The following ZC3H12B variants were observed in gnomAD, a reference collection of about 807,000 sequenced individuals.
ZC3H12B encodes the protein zinc finger CCCH-type containing 12B, also known as probable ribonuclease ZC3H12B.
In ZC3H12B, 7 loss-of-function variants were observed where a neutral mutation model predicts 43.9. The ratio of observed to expected loss-of-function variants is 0.16; its 90% CI spans 0.09 to 0.30. The LOEUF (loss-of-function observed/expected upper bound fraction) is 0.30. ZC3H12B is among the 10% of genes least tolerant of loss of function. The pLI is 1.00. For synonymous variants in ZC3H12B, 222 were observed against 241.7 expected, an observed-to-expected ratio of 0.92 and a Z score of 0.76; for missense variants, 475 against 670.2, an observed-to-expected ratio of 0.71 and a Z score of 3.22.
the ZC3H12B span, among the ~76,000 whole-genome samples, chrX:65,161,433 A>C: frequency 9.0e-6 from 1 of 111,474 alleles, no homozygotes; most frequent in Non-Finnish European, 1.9e-5. Context: ...TTGCTTTATG[A>C]ATCTGGGTGC....
chrX:65,268,453 C>G, the ZC3H12B span, among the ~76,000 whole-genome samples: 31 of 111,340 alleles, frequency 2.8e-4, no homozygotes, highest in Middle Eastern at 4.6e-3. Flanking sequence ...AAAAAGACAC[C>G]AAAAGAAAAC....
the ZC3H12B span, among the ~76,000 whole-genome samples, chrX:65,125,682 A>T: frequency 9.0e-6 from 1 of 110,575 alleles, no homozygotes; most frequent in Non-Finnish European, 1.9e-5. Context: ...ATATAATTAG[A>T]ATTTTTCTGT....
At chrX:65,382,141 C>A (rs2066450690) in intron 2 of ZC3H12B, among the ~76,000 whole-genome samples, 1 of 111,265 alleles carries the variant, frequency 9.0e-6, no homozygotes, top group East Asian at 2.8e-4. Flanking sequence ...CGGGCAGAGA[C>A]ACAACCAAAA....
At chrX:65,218,777 A>T in the ZC3H12B span, among the ~76,000 whole-genome samples, 1 of 111,254 alleles carries the variant, frequency 9.0e-6, no homozygotes, top group East Asian at 2.8e-4. Flanking sequence ...TGGGAGCTCT[A>T]TGGCCCCACC....
In ZC3H12B at chrX:65,381,024, T is replaced by G. The variant is rs1023090718; in HGVS notation, n.295+12026T>G. ...ATAATGGGAGACTTTAACACCCCAC[T>G]GTCAACATTGACAGATCAACAAGAC... On this transcript the variant is annotated intron_variant and non_coding_transcript_variant, in intron 2 of 5. Transcript: ENST00000617377. 1.2e-3 allele frequency among the ~76,000 whole-genome samples: 139 copies of G among 111,360 alleles called. 1 individual carries two copies. The highest frequency in any genetic ancestry group is 4.3e-3 in the African/African-American group (133 of 30,608).
intron 2 of ZC3H12B, among the ~76,000 whole-genome samples, chrX:65,381,017 AC>A (rs910758919): frequency 4.5e-5 from 5 of 111,193 alleles, no homozygotes; most frequent in African/African-American, 1.6e-4. Context: ...AGACTTTAAC[AC>A]CCCACTGTCA....
At chrX:65,334,119 G>T in the ZC3H12B span, among the ~76,000 whole-genome samples, 1 of 111,797 alleles carries the variant, frequency 8.9e-6, no homozygotes, top group East Asian at 2.8e-4. Context: ...AAATGTATCC[G>T]ATCTTAATCA....
the ZC3H12B span, among the ~76,000 whole-genome samples, chrX:65,073,507 T>C: frequency 8.9e-6 from 1 of 112,230 alleles, no homozygotes; most frequent in East Asian, 2.8e-4. Context: ...CAGATTGGAC[T>C]GGTTTTGTGT....
chrX:65,473,472 G>A (rs776967958), intron 3 of ZC3H12B, among the ~76,000 whole-genome samples: 8 of 112,088 alleles, frequency 7.1e-5, no homozygotes, highest in Non-Finnish European at 1.1e-4. Context: ...TAGAGATTAC[G>A]TTTACTCTAT....
intron 3 of ZC3H12B, among the ~76,000 whole-genome samples, chrX:65,430,304 G>T (rs1319352310): frequency 1.8e-5 from 2 of 109,863 alleles, no homozygotes; most frequent in Non-Finnish European, 3.8e-5. Context: ...CATGGGAGAA[G>T]CATGGTTTCC....
chrX:65,462,463 C>T (rs1335778717), intron 3 of ZC3H12B, among the ~76,000 whole-genome samples: 3 of 111,306 alleles, frequency 2.7e-5, no homozygotes, highest in African/African-American at 9.8e-5. Context: ...AGTGAGATCA[C>T]GCCACTGTGC....
chrX:65,397,133 G>A (rs5964965), intron 2 of ZC3H12B, among the ~76,000 whole-genome samples: 14,840 of 111,008 alleles, frequency 0.13, 2,400 homozygotes, highest in African/African-American at 0.45. Flanking sequence ...ACTGCACACC[G>A]ATGAGTCTTG....
At chrX:65,259,776 G>T in the ZC3H12B span, among the ~76,000 whole-genome samples, 1 of 111,707 alleles carries the variant, frequency 9.0e-6, no homozygotes, top group African/African-American at 3.3e-5. Context: ...GCACACACGT[G>T]TTTATAGCAG....
chrX:65,418,409 G>T lies in ZC3H12B; in HGVS notation n.407+19705G>T, dbSNP rs187660897. 2.1e-4 allele frequency among the ~76,000 whole-genome samples: 23 copies of T among 111,559 alleles called. No individual in the cohort carries two copies. The East Asian group carries it at 4.5e-3, about 22-fold the overall frequency. ...ATGCACTTTAAATGAGTATTCTTGA[G>T]CTCTGTCACTACTCTTCTCTGTAGG... On this transcript the variant is annotated intron_variant and non_coding_transcript_variant, in intron 3 of 5. Coordinates refer to the ZC3H12B transcript ENST00000617377.
chrX:65,339,568 C>T, the ZC3H12B span, among the ~76,000 whole-genome samples: 1 of 111,747 alleles, frequency 8.9e-6, no homozygotes, highest in African/African-American at 3.3e-5. Flanking sequence ...CTCCTAGGCT[C>T]AATTTGCTCC....
chrX:65,184,189 T>C, the ZC3H12B span, among the ~76,000 whole-genome samples: 1 of 111,841 alleles, frequency 8.9e-6, no homozygotes, highest in African/African-American at 3.2e-5. Context: ...TTGAGGTATG[T>C]TATCTTGATA....
At chrX:65,164,246 G>A in the ZC3H12B span, among the ~76,000 whole-genome samples, 1 of 111,160 alleles carries the variant, frequency 9.0e-6, no homozygotes, top group Non-Finnish European at 1.9e-5. Context: ...TGAAATCACA[G>A]GGGGTCAAAG....
chrX:65,461,111 A>G (rs1208163949), intron 3 of ZC3H12B, among the ~76,000 whole-genome samples: 3 of 112,547 alleles, frequency 2.7e-5, no homozygotes, highest in Admixed American at 1.9e-4. Flanking sequence ...AAAAATGCTC[A>G]TCATCACTGG....
the ZC3H12B span, among the ~76,000 whole-genome samples, chrX:65,314,675 G>T: frequency 9.0e-6 from 1 of 111,442 alleles, no homozygotes; most frequent in African/African-American, 3.3e-5. Flanking sequence ...AGGTTGAAGG[G>T]AAATGATACC....
Sources: allele counts gnomAD v4.1 joint callset (sites outside exome capture counted in the v4.1 genomes callset), GRCh38; gene constraint gnomAD v4.1.1; transcripts MANE v1.5; gene names NCBI Gene and HGNC (gene_info 2026-07-23, HGNC 2026-07-21).